ABCC10: variants seen among roughly 807,000 people sequenced by gnomAD.
ABCC10 encodes the protein ATP binding cassette subfamily C member 10.
ABCC10 carries 110 observed loss-of-function variants against 143.2 expected under a neutral mutation model. The ratio of observed to expected loss-of-function variants is 0.77; its 90% CI spans 0.66 to 0.90. ABCC10 has a LOEUF of 0.90. Among genes scored for constraint, ABCC10 ranks in the 40% least tolerant of loss-of-function variants. The pLI, the probability that ABCC10 is intolerant of heterozygous loss-of-function variation, is 0.00. For missense variants in ABCC10, 1,700 were observed against 1,900.5 expected, an observed-to-expected ratio of 0.89 and a Z score of 1.96; for synonymous variants, 805 against 846.7, an observed-to-expected ratio of 0.95 and a Z score of 0.85.
At position 43,428,127 on chromosome 6, in the gene ABCC10, T is replaced by C. The variant is rs1780701655; in HGVS notation, c.149T>C (p.Leu50Ser). 1 of 1,539,026 alleles carries C rather than the reference T, an allele frequency of 6.5e-7. No homozygotes were observed. The highest frequency in any genetic ancestry group is 8.7e-7 in the Non-Finnish European group (1 of 1,144,458). ...CTCGCCGTGCTCAGTGCCTGTTACT[T>C]GGGCACCCCGAGGTGGGTAGAGACG... ...ALLAVLSACY[L>S]GTPRSPDYIL... Residue 50 changes from leucine (L) to serine (S), a missense_variant, in exon 2 of 22, where the codon TTG (leucine) becomes TCG (serine). Physicochemically the swap from Leu to Ser is moderately radical, Grantham distance 145 (BLOSUM62 -2). Coordinates refer to ENST00000372530, the MANE Select transcript of ABCC10 (RefSeq NM_001198934.2).
chr6:43,450,954 G>C, downstream of ABCC10: 1 of 1,614,220 alleles, frequency 6.2e-7, no homozygotes, highest in East Asian at 2.2e-5. The surrounding 1 kb of genome is among the most constrained non-coding windows in gnomAD (Gnocchi z 4.5). Flanking sequence ...AAGCTCACAG[G>C]TCTTGCCACC....
chr6:43,448,933 C>G lies in ABCC10; in HGVS notation c.4012C>G (p.Arg1338Gly). 2 of 1,614,142 alleles carry G rather than the reference C, an allele frequency of 1.2e-6. No individual in the cohort carries two copies. Among genetic ancestry groups the G allele is most frequent in the Non-Finnish European group, 1.7e-6 (2 of 1,179,998 alleles). ...QEPFLFSGTV[R>G]ENLDPQGLHK... is the part of the protein sequence containing the mutation. Reference sequence around the variant, plus strand: ...GCCCTTTTTGTTCAGTGGGACTGTTCGGGAAAACCTGGACCCCCAGGGCCT... The same window carrying G: ...GCCCTTTTTGTTCAGTGGGACTGTTGGGGAAAACCTGGACCCCCAGGGCCT... The change falls in exon 19 of 22, where the codon CGG becomes GGG. Residue 1338 changes from arginine (R) to glycine (G), a missense_variant. Transcript: ENST00000372530.
intron 8 of ABCC10, among the ~76,000 whole-genome samples, chr6:43,439,884 C>G (rs888197085): frequency 6.7e-6 from 1 of 150,156 alleles, no homozygotes; most frequent in Non-Finnish European, 1.5e-5. Context: ...GCCTGGCCTA[C>G]TACCCTGTCT....
At chr6:43,436,023 A>G in intron 5 of ABCC10, 115 bp from the exon 6 acceptor site, 1 of 1,598,782 alleles carries the variant, frequency 6.3e-7, no homozygotes, top group Non-Finnish European at 8.6e-7. Context: ...TCCAAAACAG[A>G]CTCATTTAGC....
chr6:43,446,130 C>T (rs1783045629), intron 15 of ABCC10, 147 bp from the exon 16 acceptor site: 1 of 1,127,944 alleles, frequency 8.9e-7, no homozygotes. Context: ...AGCACACTGG[C>T]ATCTGCAGCC....
intron 18 of ABCC10, 76 bp downstream of exon 18, chr6:43,448,013 G>T: frequency 6.3e-7 from 1 of 1,583,184 alleles, no homozygotes; most frequent in South Asian, 1.1e-5. Flanking sequence ...TAGCCAGGAA[G>T]GCTTTATATA....
chr6:43,450,192 C>T lies in ABCC10; in HGVS notation c.*101C>T. Reference sequence around the variant, plus strand: ...GTTTACATTCTCCTCTGGGGCTCTACCTCTCCACACTTCCCCAGAAGGGAA... The same window carrying T: ...GTTTACATTCTCCTCTGGGGCTCTATCTCTCCACACTTCCCCAGAAGGGAA... On this transcript the variant is annotated 3_prime_UTR_variant, in exon 22 of 22. Coordinates refer to ENST00000372530, the MANE Select transcript of ABCC10 (RefSeq NM_001198934.2). The surrounding 1 kb of genome is among the most constrained non-coding windows in gnomAD (Gnocchi z 4.5). 2 of 1,358,018 alleles carry T rather than the reference C, an allele frequency of 1.5e-6. No homozygotes were observed. Among genetic ancestry groups the T allele is most frequent in the East Asian group, 2.4e-5 (1 of 42,504 alleles). The allele number at this position is 1,358,018 out of a possible 1,614,324, so 84.1% of individuals were successfully genotyped here.
rs1257251111 is a variant in ABCC10 at position 43,428,045 on chromosome 6, G to C, written c.67G>C (p.Asp23His). The change falls in exon 2 of 22, where the codon GAC (aspartate) becomes CAC (histidine). Residue 23 changes from aspartate to histidine, a missense_variant. By Grantham distance (81) the Asp-to-His change is moderately conservative (BLOSUM62 -1). Transcript: ENST00000372530. Reference sequence around the variant, plus strand: ...GTGGCCGCTCCCGCTGTGGGAGGGGGACACCACAGGCCACTGCTTCACCCA... The same window carrying C: ...GTGGCCGCTCCCGCTGTGGGAGGGGCACACCACAGGCCACTGCTTCACCCA... ...AAWPLPLWEGDTTGHCFTQLV... is the reference protein window; with the variant it reads ...AAWPLPLWEGHTTGHCFTQLV... 6.3e-7 allele frequency: 1 copy of C among 1,599,706 alleles called. No individual in the cohort carries two copies. The highest frequency in any genetic ancestry group is 8.5e-7 in the Non-Finnish European group (1 of 1,174,162).
At chr6:43,441,216 G>T (rs1045506726) in intron 8 of ABCC10, among the ~76,000 whole-genome samples, 1 of 152,294 alleles carries the variant, frequency 6.6e-6, no homozygotes, top group Non-Finnish European at 1.5e-5. Context: ...GGTGGCTCAC[G>T]CCTATAATCC....
intron 7 of ABCC10, 102 bp from the exon 8 acceptor site, chr6:43,438,522 G>A (rs1781989635): frequency 1.3e-6 from 2 of 1,507,144 alleles, no homozygotes; most frequent in East Asian, 2.3e-5. Flanking sequence ...GGGACCCTGT[G>A]TAGAAGACAG....
intron 4 of ABCC10, 27 bp from the exon 5 acceptor site, chr6:43,435,724 G>A (rs1362707354): frequency 2.5e-6 from 4 of 1,611,224 alleles, no homozygotes; most frequent in Admixed American, 1.7e-5. Flanking sequence ...AACTCCTGGG[G>A]CTTCACCCTG....
rs1201780354 is a variant in ABCC10 at position 43,429,372 on chromosome 6, TTG to T, written c.161+1270_161+1271del. Among the ~76,000 whole-genome samples, 650 of 98,212 alleles carry T rather than the reference TTG, an allele frequency of 6.6e-3. 4 individuals carry two copies. The highest frequency in any genetic ancestry group is 0.024 in the African/African-American group (473 of 19,462). 64.4% of individuals were successfully genotyped at this position (98,212 alleles called of 152,430 possible). On this transcript the variant is annotated intron_variant, in intron 2 of 21. Transcript: ENST00000372530. Reference sequence around the variant, plus strand: ...TTCTTTTCTTTCTTTCTTTTCTTTCTTGTGTGTGTGTGTGTGTGTGTGTGTGT... The same window carrying T: ...TTCTTTTCTTTCTTTCTTTTCTTTCTTGTGTGTGTGTGTGTGTGTGTGTGT...
intron 6 of ABCC10, among the ~76,000 whole-genome samples, chr6:43,437,721 C>A (rs1251807971): frequency 6.6e-6 from 1 of 152,170 alleles, no homozygotes; most frequent in Non-Finnish European, 1.5e-5. Context: ...AAACTGATAG[C>A]CACTCTGAGT....
At chr6:43,451,268 T>C (rs1324929202), downstream of ABCC10, 21 of 1,613,524 alleles carry the variant, frequency 1.3e-5, no homozygotes, top group East Asian at 6.7e-5. This position sits in a 1 kb window ranked among gnomAD's most constrained non-coding sequence, Gnocchi z 4.4. Flanking sequence ...CATTGCGGCA[T>C]GGGGAGCTGT....
intron 13 of ABCC10, 66 bp from the exon 14 acceptor site, chr6:43,445,059 G>A: frequency 6.3e-7 from 1 of 1,594,428 alleles, no homozygotes; most frequent in Non-Finnish European, 8.6e-7. Flanking sequence ...GATGGCATGG[G>A]GGAGGAGAAA....
Position 43,445,306 on chromosome 6 carries a change from G to A in ABCC10, c.3022G>A (p.Val1008Ile). The change falls in exon 14 of 22, where the codon GTC (valine) becomes ATC (isoleucine). Residue 1008 changes from valine (V) to isoleucine (I), a missense_variant. Physicochemically the swap from Val to Ile is conservative, Grantham distance 29 (BLOSUM62 3). Coordinates refer to ENST00000372530, the MANE Select transcript of ABCC10 (RefSeq NM_001198934.2). ...TCTGCATCGCCGCCTGCTGCATCGA[G>A]TCCTTATGGTGAGGGGCTGGGACCT... ...ATLHRRLLHR[V>I]LMAPVTFFNA... 1 of 1,613,380 alleles carries A rather than the reference G, an allele frequency of 6.2e-7. No individual in the cohort carries two copies. The highest frequency in any genetic ancestry group is 8.5e-7 in the Non-Finnish European group (1 of 1,179,678).
At chr6:43,451,221 T>C (rs1374361480), downstream of ABCC10, 1 of 1,614,128 alleles carries the variant, frequency 6.2e-7, no homozygotes, top group Non-Finnish European at 8.5e-7. The surrounding 1 kb of genome is among the most constrained non-coding windows in gnomAD (Gnocchi z 4.4). Flanking sequence ...GCACGTGAAG[T>C]TGAGAGCAAA....
rs779511674 is a variant in ABCC10, at chr6:43,432,889, C to T, written c.909C>T (p.Pro303=). Residue 303 remains proline, a synonymous_variant, in exon 3 of 22, where the codon CCC becomes CCT. Coordinates refer to ENST00000372530, the MANE Select transcript of ABCC10 (RefSeq NM_001198934.2). ...LVGTMLGFSG[P]LLLSLLVGFL... is the part of the protein sequence containing the mutation. ...GGACCATGTTGGGATTCTCAGGGCC[C>T]CTGTTGCTCTCCCTACTGGTGGGCT... 12 of 1,614,036 alleles carry T rather than the reference C, an allele frequency of 7.4e-6. No homozygotes were observed. In the Admixed American group the frequency reaches 1.8e-4, roughly 25 times the overall value.
intron 18 of ABCC10, among the ~76,000 whole-genome samples, chr6:43,448,361 C>G (rs1783357029): frequency 6.6e-6 from 1 of 152,174 alleles, no homozygotes; most frequent in South Asian, 2.1e-4. Flanking sequence ...GTATCATTTT[C>G]TCTGAGTACG....
Sources: allele counts gnomAD v4.1 joint callset (sites outside exome capture counted in the v4.1 genomes callset), GRCh38; gene constraint gnomAD v4.1.1; non-coding constraint Gnocchi (gnomAD v3.1); transcripts MANE v1.5; gene names NCBI Gene and HGNC (gene_info 2026-07-23, HGNC 2026-07-21).